NRXN2: variants seen among roughly 807,000 people sequenced by gnomAD.
NRXN2 encodes the protein neurexin-2-beta.
In NRXN2, 29 loss-of-function variants were observed where a neutral mutation model predicts 128.8. The observed-to-expected ratio is 0.23, with a 90% confidence interval of 0.17 to 0.31. The LOEUF is 0.31. Among genes scored for constraint, NRXN2 ranks in the 10% least tolerant of loss-of-function variants. The pLI is 1.00. For missense variants in NRXN2, 1,881 were observed against 2,452.6 expected, an observed-to-expected ratio of 0.77 and a Z score of 4.92; for synonymous variants, 1,098 against 1,075.2, an observed-to-expected ratio of 1.02 and a Z score of -0.41.
In NRXN2 at chr11:64,607,741, G is replaced by A; in HGVS notation, c.4594C>T (p.Pro1532Ser). The part of the protein sequence containing the change: ...DRTTLLSPRK[P>S]APRPNLRTDG... ...GTCCTGAGGTTGGGCCGGGGAGCGG[G>A]TTTGCGGGGTGACAGGAGGGTGGTG... The change falls in exon 23 of 23, where the codon CCC (proline) becomes TCC (serine). Residue 1532 changes from proline to serine, a missense_variant. By Grantham distance (74) the Pro-to-Ser change is moderately conservative. Transcript: ENST00000265459. The A allele has an allele frequency of 6.3e-7, 1 of 1,576,584 alleles. No individual in the cohort carries two copies. The highest frequency in any genetic ancestry group is 1.2e-5 in the South Asian group (1 of 85,956).
intron 11 of NRXN2, among the ~76,000 whole-genome samples, chr11:64,654,780 G>A (rs1049742953): frequency 3.3e-5 from 5 of 152,226 alleles, no homozygotes; most frequent in African/African-American, 9.6e-5. Context: ...CAAGGGAGGG[G>A]ACTGGCTGGA....
chr11:64,712,761 G>A, intron 2 of NRXN2: 1 of 680,614 alleles, frequency 1.5e-6, no homozygotes, highest in Non-Finnish European at 2.8e-6. Context: ...CGCCCAAGCC[G>A]GCCCCGCCCA....
At chr11:64,608,535 T>C (rs2040100797) in intron 22 of NRXN2, among the ~76,000 whole-genome samples, 1 of 147,212 alleles carries the variant, frequency 6.8e-6, no homozygotes, top group Non-Finnish European at 1.5e-5. Flanking sequence ...AAAAAGAAGA[T>C]AGCATACCAC....
intron 2 of NRXN2, among the ~76,000 whole-genome samples, chr11:64,702,401 C>T (rs949307081): frequency 6.6e-6 from 1 of 151,906 alleles, no homozygotes; most frequent in African/African-American, 2.4e-5. Flanking sequence ...GGATGGTTGC[C>T]GTGTCTGTGT....
chr11:64,643,974 T>C (rs1472022071), intron 17 of NRXN2, among the ~76,000 whole-genome samples: 2 of 142,888 alleles, frequency 1.4e-5, no homozygotes, highest in Admixed American at 1.5e-4. Context: ...ACGTGCACAC[T>C]GAGATGTGTA....
rs1293508283 is a variant in NRXN2 at position 64,661,059 on chromosome 11, A to T, written c.1879T>A (p.Tyr627Asn). 6.2e-7 allele frequency: 1 copy of T among 1,613,366 alleles called. No homozygotes were observed. The highest frequency in any genetic ancestry group is 8.5e-7 in the Non-Finnish European group (1 of 1,180,016). The change falls in exon 10 of 23, where the codon TAC becomes AAC. Residue 627 changes from tyrosine to asparagine, a missense_variant. Physicochemically the swap from Tyr to Asn is moderately radical, Grantham distance 143. Transcript: ENST00000265459. Reference sequence around the variant, plus strand: ...CCCCCCTCAGGGAGACCGCCCAGGTACAGCTCACTCTCCAGGTCCAGAATC... The same window carrying T: ...CCCCCCTCAGGGAGACCGCCCAGGTTCAGCTCACTCTCCAGGTCCAGAATC... Reference protein sequence around the residue: ...SEILDLESELYLGGLPEGGRV... With the variant: ...SEILDLESELNLGGLPEGGRV...
chr11:64,689,386 C>T (rs1444232404), intron 5 of NRXN2, among the ~76,000 whole-genome samples: 1 of 152,022 alleles, frequency 6.6e-6, no homozygotes, highest in Non-Finnish European at 1.5e-5. Context: ...AATAAATTAA[C>T]TCCTCTGAAA....
At chr11:64,710,099 G>C (rs1237614518) in intron 2 of NRXN2, among the ~76,000 whole-genome samples, 1 of 151,840 alleles carries the variant, frequency 6.6e-6, no homozygotes. Flanking sequence ...GTAGAGACGG[G>C]GTTTTACCAT....
At position 64,693,193 on chromosome 11, in the gene NRXN2, G is replaced by A. The variant is rs530903217; in HGVS notation, c.749-317C>T. Among the ~76,000 whole-genome samples, 8 of 151,490 alleles carry A rather than the reference G, an allele frequency of 5.3e-5. No individual in the cohort carries two copies. The East Asian group carries it at 1.2e-3, about 22-fold the overall frequency. On this transcript the variant is annotated intron_variant, in intron 3 of 22. Coordinates refer to ENST00000265459, the MANE Select transcript of NRXN2 (RefSeq NM_015080.4). Reference sequence around the variant, plus strand: ...GGCAGAACTGGAGGAAGGAGGGGGCGGGGGGCACTGCAGCGGGGAGAGGAG... The same window carrying A: ...GGCAGAACTGGAGGAAGGAGGGGGCAGGGGGCACTGCAGCGGGGAGAGGAG...
At chr11:64,693,386 G>C (rs1163755720) in intron 3 of NRXN2, among the ~76,000 whole-genome samples, 1 of 151,430 alleles carries the variant, frequency 6.6e-6, no homozygotes, top group Non-Finnish European at 1.5e-5. Flanking sequence ...AGATGGAGGA[G>C]AAAATAAAAC....
chr11:64,607,079 G>T lies in NRXN2; in HGVS notation c.*117C>A. The T allele has an allele frequency of 8.9e-7, 1 of 1,125,710 alleles. No individual in the cohort carries two copies. The highest frequency in any genetic ancestry group is 2.4e-5 in the East Asian group (1 of 41,032). The allele number at this position is 1,125,710 out of a possible 1,614,324, so 69.7% of individuals were successfully genotyped here. A position where few individuals can be genotyped will look rare whatever the true frequency, so the allele number is the denominator to read the frequency against. On this transcript the variant is annotated 3_prime_UTR_variant, in exon 23 of 23. Coordinates refer to ENST00000265459, the MANE Select transcript of NRXN2 (RefSeq NM_015080.4). ...CTTTTTTTGCGTTTCCTCTTCGTAAGAGAAGCCTGAGGCAGCCAGGGAGAG... is the reference window on the plus strand; with the variant it reads ...CTTTTTTTGCGTTTCCTCTTCGTAATAGAAGCCTGAGGCAGCCAGGGAGAG...
chr11:64,712,628 C>A (rs2057042151), intron 2 of NRXN2: 1 of 484,250 alleles, frequency 2.1e-6, no homozygotes, highest in African/African-American at 2.0e-5. Context: ...CAAGCCTTCA[C>A]GAACGCCTCA....
At chr11:64,659,135 T>C (rs1263739041) in intron 11 of NRXN2, among the ~76,000 whole-genome samples, 1 of 152,234 alleles carries the variant, frequency 6.6e-6, no homozygotes, top group African/African-American at 2.4e-5. Context: ...GTGACCCTGA[T>C]GACCTGCAAG....
rs774198050 is a variant in NRXN2 at position 64,660,499 on chromosome 11, A to G, written c.2222T>C (p.Met741Thr). ...CATGGCGTTAGGCAGCATGATCTTC[A>G]TGTACATGGAGCCATCGTAGCTCAG... ...TVLSYDGSMY[M>T]KIMLPNAMHT... Residue 741 changes from methionine (M) to threonine (T), a missense_variant, in exon 11 of 23, where the codon ATG (methionine) becomes ACG (threonine). Coordinates refer to ENST00000265459, the MANE Select transcript of NRXN2 (RefSeq NM_015080.4). This position sits in a 1 kb window ranked among gnomAD's most constrained non-coding sequence, Gnocchi z 5.2. 2 of 1,614,172 alleles carry G rather than the reference A, an allele frequency of 1.2e-6. No individual in the cohort carries two copies. Among genetic ancestry groups the G allele is most frequent in the South Asian group, 1.1e-5 (1 of 91,084 alleles).
intron 9 of NRXN2, among the ~76,000 whole-genome samples, chr11:64,666,334 T>C (rs527800345): frequency 4.6e-5 from 7 of 151,962 alleles, no homozygotes; most frequent in African/African-American, 1.7e-4. Flanking sequence ...CCCAAGTAGC[T>C]GGGACTACAG....
chr11:64,650,551 G>A lies in NRXN2; in HGVS notation c.3006C>T (p.His1002=), dbSNP rs775587667. 6.2e-7 allele frequency: 1 copy of A among 1,614,212 alleles called. No homozygotes were observed. Among genetic ancestry groups the A allele is most frequent in the South Asian group, 1.1e-5 (1 of 91,084 alleles). ...CTGGGTCCCTGGACACCACCACGTT[G>A]TGCCACTGGTTGTCATTGACTGGTT... is the stretch of plus-strand genomic sequence containing the variant. ...SDKPVNDNQW[H]NVVVSRDPGN... The change falls in exon 15 of 23, where the codon CAC becomes CAT. Residue 1002 remains histidine, a synonymous_variant. Transcript: ENST00000265459.
intron 21 of NRXN2, among the ~76,000 whole-genome samples, chr11:64,621,107 C>T (rs574660073): frequency 6.6e-6 from 1 of 152,196 alleles, no homozygotes; most frequent in South Asian, 2.1e-4. Flanking sequence ...AGGACAAGGA[C>T]GAGCAGGGTT....
At chr11:64,644,310 C>T (rs1415694307) in intron 17 of NRXN2, among the ~76,000 whole-genome samples, 1 of 152,058 alleles carries the variant, frequency 6.6e-6, no homozygotes, top group Non-Finnish European at 1.5e-5. Context: ...CCACCACCTC[C>T]CCAAAAAGCT....
At chr11:64,721,300 G>A (rs1337083696) in intron 1 of NRXN2, among the ~76,000 whole-genome samples, 4 of 151,858 alleles carry the variant, frequency 2.6e-5, no homozygotes, top group South Asian at 2.1e-4. Flanking sequence ...AGCCACTCGC[G>A]CACCCAGCCC....
Sources: gnomAD v4.1 joint callset for allele counts (sites outside exome capture counted in the v4.1 genomes callset) on GRCh38, gnomAD v4.1.1 for gene constraint, Gnocchi (gnomAD v3.1) non-coding constraint, MANE v1.5 for transcripts, NCBI Gene and HGNC (gene_info 2026-07-23, HGNC 2026-07-21) for gene names.